Variants in USP46 observed in about 807,000 individuals in gnomAD.
USP46 encodes ubiquitin carboxyl-terminal hydrolase 46.
In USP46, 12 loss-of-function variants were observed where a neutral mutation model predicts 44.4. The ratio of observed to expected loss-of-function variants is 0.27; its 90% CI spans 0.17 to 0.44. The LOEUF is 0.44. Among genes scored for constraint, USP46 ranks in the 20% least tolerant of loss-of-function variants. The pLI, the probability that USP46 is intolerant of heterozygous loss-of-function variation, is 1.00. For missense variants in USP46, 248 were observed against 444.8 expected (o/e 0.56, Z 3.98); for synonymous variants, 155 against 161.5 (o/e 0.96, Z 0.31).
At position 52,593,977 on chromosome 4, in the gene USP46, A is replaced by G. The variant is rs769172913; in HGVS notation, c.*3663T>C. The G allele has an allele frequency of 2.0e-5, 3 of 152,230 alleles. No individual in the cohort carries two copies. Among genetic ancestry groups the G allele is most frequent in the Non-Finnish European group, 4.4e-5 (3 of 68,048 alleles). The allele number at this position is 152,230 out of a possible 1,614,324, so 9.4% of individuals were successfully genotyped here. A position where few individuals can be genotyped will look rare whatever the true frequency, so the allele number is the denominator to read the frequency against. ...AAAAGTGATGAGTTATCTCCAGAAC[A>G]TTGATTTTTATCAACCTTGAGAGTA... On this transcript the variant is annotated 3_prime_UTR_variant, in exon 9 of 9. Coordinates refer to ENST00000441222, the MANE Select transcript of USP46 (RefSeq NM_022832.4).
At chr4:52,609,894 A>ATTTCT (rs1560394494) in intron 5 of USP46, among the ~76,000 whole-genome samples, 8 of 20,646 alleles carry the variant, frequency 3.9e-4, no homozygotes, top group South Asian at 1.5e-3. Flanking sequence ...CCTCAATTCT[A>ATTTCT]TTTCTTTTTT....
At chr4:52,624,921 A>G (rs544414907) in intron 4 of USP46, among the ~76,000 whole-genome samples, 98 of 152,338 alleles carry the variant, frequency 6.4e-4, no homozygotes, top group Middle Eastern at 3.4e-3. Context: ...TGGGACTTTC[A>G]GCCTCCAGAA....
chr4:52,596,043 A>G lies in USP46; in HGVS notation c.*1597T>C, dbSNP rs1307985455. ...TCTCCAGTGAAAAGTAAAACATTTC[A>G]CTTCAAGCATAAACAAACGAAATGT... On this transcript the variant is annotated 3_prime_UTR_variant, in exon 9 of 9. Transcript: ENST00000441222. 4 of 152,656 alleles carry G rather than the reference A, an allele frequency of 2.6e-5. No individual in the cohort carries two copies. Among genetic ancestry groups the G allele is most frequent in the Admixed American group, 6.5e-5 (1 of 15,288 alleles). The allele number at this position is 152,656 out of a possible 1,614,324, so 9.5% of individuals were successfully genotyped here. A position where few individuals can be genotyped will look rare whatever the true frequency, so the allele number is the denominator to read the frequency against.
intron 1 of USP46, among the ~76,000 whole-genome samples, chr4:52,634,060 C>T (rs1034099571): frequency 1.3e-5 from 2 of 152,080 alleles, no homozygotes; most frequent in Admixed American, 6.5e-5. Flanking sequence ...TGATCCTTGG[C>T]GCTGCTTCTA....
At chr4:52,625,891 T>C (rs755364779) in intron 4 of USP46, 127 bp downstream of exon 4, 1 of 971,756 alleles carries the variant, frequency 1.0e-6, no homozygotes, top group Non-Finnish European at 1.5e-6. Flanking sequence ...TTCATATGCA[T>C]AAATAGGATT....
chr4:52,628,895 C>T (rs2109633565), intron 2 of USP46, among the ~76,000 whole-genome samples: 1 of 152,308 alleles, frequency 6.6e-6, no homozygotes, highest in Middle Eastern at 3.4e-3. Flanking sequence ...CACCCAGTAA[C>T]ATTTTATACC....
intron 1 of USP46, among the ~76,000 whole-genome samples, chr4:52,657,095 T>C (rs1718983464): frequency 6.7e-6 from 1 of 149,488 alleles, no homozygotes; most frequent in African/African-American, 2.5e-5. Flanking sequence ...AAGTCTGACA[T>C]TAGAACCCAA....
At chr4:52,651,470 TTC>T (rs1718769577) in intron 1 of USP46, among the ~76,000 whole-genome samples, 1 of 152,134 alleles carries the variant, frequency 6.6e-6, no homozygotes, top group Non-Finnish European at 1.5e-5. Flanking sequence ...AACCATACAT[TTC>T]TTTGTTTAAT....
chr4:52,651,944 A>G (rs1291366485), intron 1 of USP46, among the ~76,000 whole-genome samples: 2 of 152,028 alleles, frequency 1.3e-5, no homozygotes, highest in Admixed American at 1.3e-4. Context: ...CATTTTTTTC[A>G]CCTGCATCTT....
intron 1 of USP46, among the ~76,000 whole-genome samples, chr4:52,654,557 A>C (rs1000998249): frequency 6.6e-6 from 1 of 151,866 alleles, no homozygotes; most frequent in African/African-American, 2.4e-5. Context: ...TATTTACATG[A>C]TTTTGTTTGT....
chr4:52,611,929 A>C (rs1423861926), intron 4 of USP46, among the ~76,000 whole-genome samples: 2 of 152,150 alleles, frequency 1.3e-5, no homozygotes, highest in African/African-American at 4.8e-5. Flanking sequence ...CTGAGACACA[A>C]GAATGGTTAT....
In USP46 at chr4:52,623,218, G is replaced by A. The variant is rs528851626; in HGVS notation, c.561+2800C>T. ...TTAAGAGGTGAGGTAAGGATGGTGAGAAGGAGTACACCCTTATTAAATGAA... is the reference window on the plus strand; with the variant it reads ...TTAAGAGGTGAGGTAAGGATGGTGAAAAGGAGTACACCCTTATTAAATGAA... On this transcript the variant is annotated intron_variant, in intron 4 of 8. Coordinates refer to ENST00000441222, the MANE Select transcript of USP46 (RefSeq NM_022832.4). 6.6e-4 allele frequency among the ~76,000 whole-genome samples: 100 copies of A among 152,234 alleles called. 1 individual carries two copies. The highest frequency in any genetic ancestry group is 2.4e-3 in the African/African-American group (98 of 41,528).
intron 2 of USP46, chr4:52,629,726 G>C (rs1349656249): frequency 2.2e-6 from 1 of 456,244 alleles, no homozygotes; most frequent in Non-Finnish European, 4.4e-6. Flanking sequence ...AGTGTCCACA[G>C]TATGTCTCAG....
chr4:52,610,463 C>T, intron 5 of USP46, 78 bp downstream of exon 5: 1 of 1,276,748 alleles, frequency 7.8e-7, no homozygotes, highest in Non-Finnish European at 1.1e-6. Context: ...AGATTATGTC[C>T]TGAAGAAATA....
At chr4:52,658,856 G>A (rs562188173) in intron 1 of USP46, among the ~76,000 whole-genome samples, 41 of 152,008 alleles carry the variant, frequency 2.7e-4, no homozygotes, top group African/African-American at 8.9e-4. Flanking sequence ...CCGAGGGCGG[G>A]GGGCGCAGCA....
chr4:52,610,703 A>T, intron 4 of USP46, 86 bp from the exon 5 acceptor site: 1 of 1,275,752 alleles, frequency 7.8e-7, no homozygotes, highest in Non-Finnish European at 1.1e-6. Flanking sequence ...CACCGACTGC[A>T]ATAAAAACCA....
intron 1 of USP46, among the ~76,000 whole-genome samples, chr4:52,651,758 C>T (rs1392403725): frequency 6.6e-6 from 1 of 152,180 alleles, no homozygotes; most frequent in Non-Finnish European, 1.5e-5. Flanking sequence ...AGGCCCCAGA[C>T]ACGATTTTCA....
Position 52,593,403 on chromosome 4 carries a change from A to T in USP46, c.*4237T>A, listed in dbSNP as rs1214833073. 6.5e-6 allele frequency: 1 copy of T among 153,520 alleles called. No homozygotes were observed. The highest frequency in any genetic ancestry group is 1.5e-5 in the Non-Finnish European group (1 of 68,938). The allele number at this position is 153,520 out of a possible 1,614,324, so 9.5% of individuals were successfully genotyped here. A position where few individuals can be genotyped will look rare whatever the true frequency, so the allele number is the denominator to read the frequency against. On this transcript the variant is annotated 3_prime_UTR_variant, in exon 9 of 9. Transcript: ENST00000441222. ...GGTTCAACTGCACTGCCCCGAGAAG[A>T]TGGACAGCAGCTGGGAGACTCAACA...
intron 1 of USP46, chr4:52,658,412 G>A (rs1050372910): frequency 1.9e-5 from 7 of 378,166 alleles, no homozygotes; most frequent in African/African-American, 1.5e-4. Flanking sequence ...TAGGTCTACA[G>A]CGGATCAGGC....
Sources: gnomAD v4.1 joint callset for allele counts (sites outside exome capture counted in the v4.1 genomes callset) on GRCh38, gnomAD v4.1.1 for gene constraint, MANE v1.5 for transcripts, NCBI Gene and HGNC (gene_info 2026-07-23, HGNC 2026-07-21) for gene names.